Variants in ADAMTSL1 observed in about 807,000 individuals in gnomAD.
ADAMTSL1 encodes the protein ADAMTS like 1, also known as ADAMTS-like protein 1.
ADAMTSL1 carries 126 observed loss-of-function variants against 201.8 expected under a neutral mutation model. The observed-to-expected ratio is 0.62, with a 90% confidence interval of 0.54 to 0.72. The LOEUF is 0.72. Among genes scored for constraint, ADAMTSL1 ranks in the 30% least tolerant of loss-of-function variants. The probability of loss-of-function intolerance (pLI) is 0.00; values close to 1 mark genes in which losing one functional copy is unlikely to be tolerated. For synonymous variants in ADAMTSL1, 1,121 were observed against 903.4 expected (o/e 1.24, Z -4.32); for missense variants, 2,679 against 2,277.8 (o/e 1.18, Z -3.59).
At chr9:18,608,656 C>A (rs574099878) in intron 4 of ADAMTSL1, among the ~76,000 whole-genome samples, 54 of 152,212 alleles carry the variant, frequency 3.5e-4, no homozygotes, top group African/African-American at 1.1e-3. Flanking sequence ...GAAAGAGTAG[C>A]CAAATTGCTA....
chr9:18,727,493 T>A (rs1220861715), intron 15 of ADAMTSL1, among the ~76,000 whole-genome samples: 3 of 152,228 alleles, frequency 2.0e-5, no homozygotes, highest in Non-Finnish European at 4.4e-5. Flanking sequence ...TTTTCTTCCA[T>A]TGATGGATAG....
chr9:18,056,829 C>T (rs970856987), intron 1 of ADAMTSL1, among the ~76,000 whole-genome samples: 1 of 152,176 alleles, frequency 6.6e-6, no homozygotes, highest in South Asian at 2.1e-4. Flanking sequence ...TCTCTCCCTG[C>T]AGTGCCCTTC....
At chr9:18,818,332 G>T (rs7848883) in intron 21 of ADAMTSL1, among the ~76,000 whole-genome samples, 122,254 of 152,050 alleles carry the variant, frequency 0.8, 49,187 homozygotes, top group South Asian at 0.82. Flanking sequence ...TTTGGTGGTT[G>T]CTTCATCTTA....
At chr9:18,409,622 C>A (rs1227062237) in intron 2 of ADAMTSL1, among the ~76,000 whole-genome samples, 1 of 150,904 alleles carries the variant, frequency 6.6e-6, no homozygotes, top group Non-Finnish European at 1.5e-5. Context: ...TCAGTTTAAA[C>A]TGTTTTTTTG....
intron 18 of ADAMTSL1, among the ~76,000 whole-genome samples, chr9:18,776,135 G>A (rs538276827): frequency 6.6e-6 from 1 of 151,766 alleles, no homozygotes; most frequent in Non-Finnish European, 1.5e-5. Flanking sequence ...GTAGAGCAAA[G>A]TTCACTTGCT....
rs1826446091 is a variant in ADAMTSL1, at chr9:17,924,587, A to C, written c.87+17665A>C. ...TATCTGATCTTTGACAAACCTGAGA[A>C]AAACAAGCAATGGGGAAAGGATTCC... On this transcript the variant is annotated intron_variant, in intron 1 of 29. Coordinates refer to the ADAMTSL1 transcript ENST00000680146. 2.0e-5 allele frequency among the ~76,000 whole-genome samples: 3 copies of C among 150,110 alleles called. No individual in the cohort carries two copies. In the South Asian group the frequency reaches 6.5e-4, roughly 32 times the overall value.
At chr9:18,461,780 T>C (rs10738512) in intron 2 of ADAMTSL1, among the ~76,000 whole-genome samples, 150,255 of 152,256 alleles carry the variant, frequency 0.99, 74,163 homozygotes, top group East Asian at 1. Context: ...CACAAAGAAA[T>C]ATCATTTTGC....
At chr9:18,015,796 T>A (rs1820234519) in intron 1 of ADAMTSL1, among the ~76,000 whole-genome samples, 2 of 151,988 alleles carry the variant, frequency 1.3e-5, no homozygotes, top group South Asian at 4.1e-4. Flanking sequence ...CCTGGATCCC[T>A]CCCGAGACCA....
At chr9:18,446,572 T>C (rs1820200714) in intron 2 of ADAMTSL1, among the ~76,000 whole-genome samples, 2 of 152,360 alleles carry the variant, frequency 1.3e-5, no homozygotes, top group South Asian at 2.1e-4. Context: ...GTGCAGAAAC[T>C]GGACCATACA....
intron 2 of ADAMTSL1, among the ~76,000 whole-genome samples, chr9:18,352,851 T>C (rs942056450): frequency 6.6e-6 from 1 of 152,244 alleles, no homozygotes. Flanking sequence ...CAAAGTCTGT[T>C]AGATATCTTG....
intron 14 of ADAMTSL1, among the ~76,000 whole-genome samples, chr9:18,710,723 G>A (rs1587952407): frequency 1.3e-5 from 1 of 74,778 alleles, no homozygotes; most frequent in Non-Finnish European, 2.6e-5. Flanking sequence ...AAGGGTTTTA[G>A]TTTACATTTG....
At chr9:18,297,005 G>T (rs1341789941) in intron 2 of ADAMTSL1, among the ~76,000 whole-genome samples, 1 of 152,140 alleles carries the variant, frequency 6.6e-6, no homozygotes, top group African/African-American at 2.4e-5. Flanking sequence ...CCTCCACCAG[G>T]CTCTTCTGAT....
At chr9:18,277,945 TG>T (rs1460982081) in intron 2 of ADAMTSL1, among the ~76,000 whole-genome samples, 5 of 152,134 alleles carry the variant, frequency 3.3e-5, no homozygotes, top group African/African-American at 1.2e-4. Flanking sequence ...TTATCTTTTT[TG>T]TATTTACTAT....
At chr9:17,945,156 G>A (rs1239053514) in intron 1 of ADAMTSL1, among the ~76,000 whole-genome samples, 4 of 134,840 alleles carry the variant, frequency 3.0e-5, no homozygotes, top group East Asian at 2.1e-4. Flanking sequence ...GTGGGCAAAG[G>A]ACATGAACAG....
intron 18 of ADAMTSL1, among the ~76,000 whole-genome samples, chr9:18,776,255 T>A (rs955449015): frequency 7.9e-5 from 12 of 152,096 alleles, no homozygotes; most frequent in Admixed American, 1.3e-4. Flanking sequence ...TTAATATTAA[T>A]CCCTAGAGCC....
intron 4 of ADAMTSL1, among the ~76,000 whole-genome samples, chr9:18,590,294 T>G (rs1402764546): frequency 2.0e-5 from 3 of 152,078 alleles, no homozygotes; most frequent in African/African-American, 7.2e-5. Flanking sequence ...GTTTTCCAAT[T>G]TATTGGTATA....
At chr9:18,176,518 T>G (rs1417975208) in intron 2 of ADAMTSL1, among the ~76,000 whole-genome samples, 1 of 152,164 alleles carries the variant, frequency 6.6e-6, no homozygotes, top group Non-Finnish European at 1.5e-5. Flanking sequence ...TGAATACATA[T>G]CTTCATTAAT....
chr9:18,840,184 C>T (rs1825620821), intron 23 of ADAMTSL1, among the ~76,000 whole-genome samples: 1 of 151,282 alleles, frequency 6.6e-6, no homozygotes, highest in Non-Finnish European at 1.5e-5. Flanking sequence ...ACGTTTAAGT[C>T]TTTAATCCAT....
chr9:18,671,819 C>G (rs188518888), intron 9 of ADAMTSL1, among the ~76,000 whole-genome samples: 1 of 151,972 alleles, frequency 6.6e-6, no homozygotes, highest in African/African-American at 2.4e-5. Flanking sequence ...GGGCAGATCA[C>G]GAGGGCAGGA....
Sources: allele counts gnomAD v4.1 joint callset (sites outside exome capture counted in the v4.1 genomes callset), GRCh38; gene constraint gnomAD v4.1.1; transcripts MANE v1.5; gene names NCBI Gene and HGNC (gene_info 2026-07-23, HGNC 2026-07-21).